Variants in TMIGD2 observed in about 807,000 individuals in gnomAD.
The protein encoded by TMIGD2 is transmembrane and immunoglobulin domain containing 2.
Under a neutral mutation model 22.6 loss-of-function variants are expected in TMIGD2, and 18 were observed. The observed-to-expected ratio is 0.80, with a 90% CI of 0.55 to 1.18. The LOEUF (loss-of-function observed/expected upper bound fraction) is 1.18. Among genes scored for constraint, TMIGD2 ranks in the 50% most tolerant of loss-of-function variants. The pLI is 0.00. For synonymous variants in TMIGD2, 184 were observed against 154.1 expected (o/e 1.19, Z -1.44); for missense variants, 361 against 378.2 (o/e 0.95, Z 0.38).
chr19:4,302,352 C>A (rs1460077445), exon 1 of TMIGD2: 1 of 1,574,382 alleles, frequency 6.4e-7, no homozygotes, highest in Non-Finnish European at 8.6e-7. Context: ...CAGATCTGCA[C>A]CAGGAGGCCC....
chr19:4,298,152 G>A (rs61744466), exon 2 of TMIGD2: 3 of 1,613,430 alleles, frequency 1.9e-6, no homozygotes, highest in Non-Finnish European at 2.5e-6. Context: ...GGGGCCCGCA[G>A]ACCCCCAGGC....
intron 1 of TMIGD2, among the ~76,000 whole-genome samples, chr19:4,301,226 G>A (rs1178408605): frequency 6.6e-6 from 1 of 152,156 alleles, no homozygotes; most frequent in East Asian, 1.9e-4. Flanking sequence ...ACCTGCCTCA[G>A]TCTCCAATTT....
intron 4 of TMIGD2, among the ~76,000 whole-genome samples, 193 bp downstream of exon 4, chr19:4,294,386 G>C (rs951495471): frequency 6.6e-6 from 1 of 152,118 alleles, no homozygotes; most frequent in Non-Finnish European, 1.5e-5. Context: ...ATGGGATCTT[G>C]CTAGGTTGCA....
intron 4 of TMIGD2, among the ~76,000 whole-genome samples, chr19:4,294,188 C>T (rs148685148): frequency 0.033 from 5,026 of 152,164 alleles, 120 homozygotes; most frequent in Middle Eastern, 0.11. Flanking sequence ...CTGCCTCAGC[C>T]TCCCAAGTAG....
At chr19:4,296,756 C>T (rs1281461117) in intron 2 of TMIGD2, among the ~76,000 whole-genome samples, 4 of 152,172 alleles carry the variant, frequency 2.6e-5, no homozygotes, top group African/African-American at 4.8e-5. Flanking sequence ...GAGGAACAGG[C>T]ATCTCTAGGG....
In TMIGD2 at chr19:4,294,805, G is replaced by A. The variant is rs936772519; in HGVS notation, c.418C>T (p.Gln140Ter). 1.9e-6 allele frequency: 3 copies of A among 1,585,382 alleles called. No homozygotes were observed. The Admixed American group carries it at 5.4e-5, about 28-fold the overall frequency. Residue 140 changes from glutamine (Q) to a stop codon, truncating the protein, a stop_gained, in exon 3 of 5, where the codon CAG becomes TAG. Transcript: ENST00000301272. LOFTEE classifies it high-confidence loss of function. ...AAGCTTGCGATCCGGTTTCTGTTCT[G>A]TGTGGGGTCATCTGCAGAGAAGAAA...
chr19:4,292,543 C>T (rs776247956), exon 5 of TMIGD2: 9 of 1,540,456 alleles, frequency 5.8e-6, no homozygotes, highest in Non-Finnish European at 7.2e-6. Context: ...GGCCTCGATC[C>T]CCCCTTTTTT....
exon 2 of TMIGD2, chr19:4,298,128 G>A (rs1209853540): frequency 6.2e-7 from 1 of 1,613,382 alleles, no homozygotes; most frequent in South Asian, 1.1e-5. Flanking sequence ...GTGCCTGCCA[G>A]GAGAGCCGTC....
At chr19:4,294,198 G>C (rs982770348) in intron 4 of TMIGD2, among the ~76,000 whole-genome samples, 2 of 151,992 alleles carry the variant, frequency 1.3e-5, no homozygotes, top group African/African-American at 4.8e-5. Context: ...CTCCCAAGTA[G>C]CTGGTATTAC....
chr19:4,301,851 C>G (rs1422483607), intron 1 of TMIGD2, among the ~76,000 whole-genome samples: 3 of 152,152 alleles, frequency 2.0e-5, no homozygotes, highest in Non-Finnish European at 4.4e-5. Flanking sequence ...AGAAAGTCTG[C>G]TTTTAGCTGT....
intron 2 of TMIGD2, 137 bp from the exon 3 acceptor site, chr19:4,294,953 G>T: frequency 2.3e-6 from 2 of 851,364 alleles, no homozygotes; most frequent in Admixed American, 7.6e-5. Context: ...CTGAACCTCT[G>T]TTTCTTCTTC....
exon 5 of TMIGD2, chr19:4,292,684 G>T: frequency 6.2e-7 from 1 of 1,603,768 alleles, no homozygotes. Context: ...CATAGAGACG[G>T]GGTGGCCGGG....
chr19:4,297,235 T>C (rs1971473132), intron 2 of TMIGD2, among the ~76,000 whole-genome samples: 1 of 151,694 alleles, frequency 6.6e-6, no homozygotes, highest in Non-Finnish European at 1.5e-5. Flanking sequence ...GCCCAGCTAC[T>C]TTTTGTATTT....
At chr19:4,298,543 C>G (rs578182107) in intron 1 of TMIGD2, among the ~76,000 whole-genome samples, 198 bp from the exon 2 acceptor site, 3 of 152,032 alleles carry the variant, frequency 2.0e-5, no homozygotes, top group Non-Finnish European at 4.4e-5. Context: ...TCCAGACCAG[C>G]CTGGGAACAT....
Position 4,293,260 on chromosome 19 carries a change from C to CTT in TMIGD2, c.563-377_563-376dup, listed in dbSNP as rs150388447. On this transcript the variant is annotated intron_variant, in intron 4 of 4. Transcript: ENST00000301272. ...ACAGGCGTGAGCCACCGCGCCCGGC[C>CTT]TTTTTTTTTTTTTTTTTGAGACAGT... is the stretch of plus-strand genomic sequence containing the variant. 2.0e-3 allele frequency among the ~76,000 whole-genome samples: 229 copies of CTT among 112,404 alleles called. 6 individuals carry two copies. In the East Asian group the frequency reaches 0.026, roughly 13 times the overall value. 73.7% of individuals were successfully genotyped at this position (112,404 alleles called of 152,430 possible). A position where few individuals can be genotyped will look rare whatever the true frequency, so the allele number is the denominator to read the frequency against.
intron 4 of TMIGD2, 156 bp downstream of exon 4, chr19:4,294,423 T>C (rs1306536912): frequency 4.2e-6 from 3 of 706,148 alleles, no homozygotes; most frequent in East Asian, 5.4e-5. Context: ...TCTCTATTTC[T>C]GAAAAACATG....
intron 1 of TMIGD2, among the ~76,000 whole-genome samples, chr19:4,301,855 T>C (rs1971540629): frequency 6.6e-6 from 1 of 152,148 alleles, no homozygotes. Context: ...AGTCTGCTTT[T>C]AGCTGTGAGA....
rs1568374183 is a variant in TMIGD2, at chr19:4,298,009, A to AT, written c.382dup (p.Ile128AsnfsTer10). On this transcript the variant is annotated frameshift_variant, in exon 2 of 5. Transcript: ENST00000301272. LOFTEE classifies it high-confidence loss of function. Reference sequence around the variant, plus strand: ...ACCTGGGTCCACAAAGAGCCTTGTTATGTTGCCCTCAGCCTCCTCCAACTC... The same window carrying AT: ...ACCTGGGTCCACAAAGAGCCTTGTTATTGTTGCCCTCAGCCTCCTCCAACTC... 1 of 1,605,436 alleles carries AT rather than the reference A, an allele frequency of 6.2e-7. No individual in the cohort carries two copies. The highest frequency in any genetic ancestry group is 2.2e-5 in the East Asian group (1 of 44,652).
intron 4 of TMIGD2, among the ~76,000 whole-genome samples, chr19:4,293,558 C>T (rs1971416230): frequency 7.1e-6 from 1 of 140,728 alleles, no homozygotes. Flanking sequence ...CTGCACCCGG[C>T]CAATTTTTTT....
Sources: allele counts gnomAD v4.1 joint callset (sites outside exome capture counted in the v4.1 genomes callset), GRCh38; gene constraint gnomAD v4.1.1; transcripts MANE v1.5; gene names NCBI Gene and HGNC (gene_info 2026-07-23, HGNC 2026-07-21).